LINGO2: variants seen among roughly 807,000 people sequenced by gnomAD.
LINGO2 encodes the protein leucine-rich repeat and immunoglobulin-like domain-containing nogo receptor-interacting protein 2.
In LINGO2, 14 loss-of-function variants were observed where a neutral mutation model predicts 30.6. The ratio of observed to expected loss-of-function variants is 0.46; its 90% CI spans 0.30 to 0.72. The LOEUF (loss-of-function observed/expected upper bound fraction) is 0.72, where lower values mean the gene tolerates loss of function less well. Among genes scored for constraint, LINGO2 ranks in the 30% least tolerant of loss-of-function variants. LINGO2 has a pLI of 0.07. For synonymous variants in LINGO2, 317 were observed against 288.5 expected (o/e 1.10, Z -1.00); for missense variants, 729 against 751.7 (o/e 0.97, Z 0.35).
the LINGO2 span, among the ~76,000 whole-genome samples, chr9:29,080,209 T>A: frequency 2.0e-5 from 3 of 152,142 alleles, no homozygotes; most frequent in Non-Finnish European, 4.4e-5. Context: ...CCATTTCTTC[T>A]AGATTATCTA....
At chr9:28,145,399 T>C (rs1827785421) in intron 4 of LINGO2, among the ~76,000 whole-genome samples, 2 of 152,204 alleles carry the variant, frequency 1.3e-5, no homozygotes, top group Admixed American at 1.3e-4. Flanking sequence ...AAACGGGAAG[T>C]AGCCTATAAA....
the LINGO2 span, among the ~76,000 whole-genome samples, chr9:29,137,168 C>A: frequency 6.6e-6 from 1 of 152,094 alleles, no homozygotes; most frequent in Non-Finnish European, 1.5e-5. Context: ...CAGAAGGGTA[C>A]TGATGACACT....
chr9:28,054,726 C>CA (rs1824839835), intron 4 of LINGO2, among the ~76,000 whole-genome samples: 1 of 151,988 alleles, frequency 6.6e-6, no homozygotes, highest in South Asian at 2.1e-4. Flanking sequence ...GTTAAAAACC[C>CA]AATAGCTTAT....
intron 4 of LINGO2, among the ~76,000 whole-genome samples, chr9:28,256,549 A>G (rs1425008526): frequency 4.6e-5 from 7 of 151,990 alleles, no homozygotes; most frequent in Admixed American, 4.6e-4. Flanking sequence ...TAGTGCCATG[A>G]AAAAAATGAA....
At chr9:28,971,027 T>C in the LINGO2 span, among the ~76,000 whole-genome samples, 1 of 152,146 alleles carries the variant, frequency 6.6e-6, no homozygotes, top group Non-Finnish European at 1.5e-5. Flanking sequence ...ACTGCCTTGC[T>C]TCTTGGATAC....
chr9:29,016,837 C>T, the LINGO2 span, among the ~76,000 whole-genome samples: 1 of 152,146 alleles, frequency 6.6e-6, no homozygotes. Flanking sequence ...ACGATTTACC[C>T]CTTCTACATA....
At chr9:28,582,272 G>C (rs10738800) in intron 1 of LINGO2, among the ~76,000 whole-genome samples, 84,318 of 151,846 alleles carry the variant, frequency 0.56, 24,212 homozygotes, top group East Asian at 0.69. Context: ...AGAATTAAAA[G>C]TGTTTTTCAT....
downstream of LINGO2, among the ~76,000 whole-genome samples, chr9:27,944,710 G>C (rs1265834705): frequency 6.6e-6 from 1 of 151,972 alleles, no homozygotes; most frequent in Non-Finnish European, 1.5e-5. Context: ...TAACAAACAG[G>C]GAATGTTAAT....
At chr9:28,339,625 A>G (rs1277486122) in intron 3 of LINGO2, among the ~76,000 whole-genome samples, 2 of 152,164 alleles carry the variant, frequency 1.3e-5, no homozygotes, top group Non-Finnish European at 2.9e-5. Flanking sequence ...TAATATTAGG[A>G]TCTATCGACT....
chr9:28,319,775 T>C (rs1824972694), intron 3 of LINGO2, among the ~76,000 whole-genome samples: 1 of 152,150 alleles, frequency 6.6e-6, no homozygotes, highest in Non-Finnish European at 1.5e-5. Context: ...GTTTTACATC[T>C]TTCTTCTGAT....
intron 5 of LINGO2, among the ~76,000 whole-genome samples, chr9:27,959,299 ATTTT>A (rs1366232864): frequency 1.3e-5 from 2 of 151,854 alleles, no homozygotes; most frequent in African/African-American, 4.8e-5. Context: ...TTGACTATTT[ATTTT>A]GTCTTCAGTC....
At chr9:28,830,806 T>C in the LINGO2 span, among the ~76,000 whole-genome samples, 1 of 147,822 alleles carries the variant, frequency 6.8e-6, no homozygotes, top group Non-Finnish European at 1.5e-5. Flanking sequence ...ACATGCATGT[T>C]CACTTGCATC....
intron 4 of LINGO2, among the ~76,000 whole-genome samples, chr9:28,020,407 T>A (rs974768893): frequency 6.6e-6 from 1 of 152,114 alleles, no homozygotes; most frequent in Admixed American, 6.6e-5. Context: ...CAGGCACCTG[T>A]CATCCCAGCT....
chr9:28,672,480 TATG>T (rs1829060656), upstream of LINGO2, among the ~76,000 whole-genome samples: 1 of 152,176 alleles, frequency 6.6e-6, no homozygotes, highest in East Asian at 1.9e-4. Context: ...ATCAACAAGA[TATG>T]TACACTGTCA....
chr9:28,853,442 G>A, the LINGO2 span, among the ~76,000 whole-genome samples: 3 of 151,978 alleles, frequency 2.0e-5, no homozygotes, highest in Non-Finnish European at 4.4e-5. Context: ...CAGCAAATAT[G>A]GATTAGAATG....
chr9:29,022,846 T>G, the LINGO2 span, among the ~76,000 whole-genome samples: 2 of 152,104 alleles, frequency 1.3e-5, no homozygotes, highest in Non-Finnish European at 2.9e-5. Context: ...GTACATTCCC[T>G]TCTCTTGCTA....
At chr9:29,064,572 CCT>C in the LINGO2 span, among the ~76,000 whole-genome samples, 2 of 151,960 alleles carry the variant, frequency 1.3e-5, no homozygotes, top group Admixed American at 6.6e-5. Flanking sequence ...ACTCCTCTAA[CCT>C]CTTTTACATA....
At chr9:28,371,376 C>T (rs1264392688) in intron 3 of LINGO2, among the ~76,000 whole-genome samples, 1 of 152,104 alleles carries the variant, frequency 6.6e-6, no homozygotes, top group Non-Finnish European at 1.5e-5. Context: ...CTGGGAAGTC[C>T]AAGATCAAGG....
intron 4 of LINGO2, among the ~76,000 whole-genome samples, chr9:28,230,008 G>A (rs764340080): frequency 1.1e-4 from 17 of 151,790 alleles, no homozygotes; most frequent in Non-Finnish European, 1.6e-4. Context: ...AAACAAAACC[G>A]ACTTCTCAGT....
Sources: gnomAD v4.1 joint callset for allele counts (sites outside exome capture counted in the v4.1 genomes callset) on GRCh38, gnomAD v4.1.1 for gene constraint, MANE v1.5 for transcripts, NCBI Gene and HGNC (gene_info 2026-07-23, HGNC 2026-07-21) for gene names.